PTPRM: variants seen among roughly 807,000 people sequenced by gnomAD.
The protein encoded by PTPRM is protein tyrosine phosphatase receptor type M, also known as receptor-type tyrosine-protein phosphatase mu.
In PTPRM, 47 loss-of-function variants were observed where a neutral mutation model predicts 186.7. The ratio of observed to expected loss-of-function variants is 0.25; its 90% CI spans 0.20 to 0.32. PTPRM has a LOEUF of 0.32. PTPRM is among the 10% of genes least tolerant of loss of function. The pLI is 1.00. For missense variants in PTPRM, 1,494 were observed against 1,865.0 expected (o/e 0.80, Z 3.66); for synonymous variants, 668 against 674.9 (o/e 0.99, Z 0.16).
chr18:8,248,353 G>A (rs781717002), intron 17 of PTPRM, 177 bp downstream of exon 17: 10 of 718,450 alleles, frequency 1.4e-5, no homozygotes, highest in Admixed American at 7.9e-5. Context: ...TCTCTAAACA[G>A]TCGCCATTAA....
Position 7,867,030 on chromosome 18 carries a change from T to C in PTPRM, c.197-21076T>C, listed in dbSNP as rs115019103. On this transcript the variant is annotated intron_variant, in intron 2 of 32. Coordinates refer to ENST00000580170, the MANE Select transcript of PTPRM (RefSeq NM_001105244.2). ...GCAACCCCTGCTTTTTGTTTTTGTT[T>C]TTTGCTTTCCTTTTACTTGGAAAAT... 7.2e-3 allele frequency among the ~76,000 whole-genome samples: 1,097 copies of C among 152,312 alleles called. 7 individuals are homozygous for C. The highest frequency in any genetic ancestry group is 0.026 in the African/African-American group (1,063 of 41,564).
At chr18:7,922,291 C>A (rs2050912226) in intron 4 of PTPRM, among the ~76,000 whole-genome samples, 1 of 152,178 alleles carries the variant, frequency 6.6e-6, no homozygotes, top group Non-Finnish European at 1.5e-5. Flanking sequence ...ATTTGGCATC[C>A]CTTTGGCCAA....
intron 14 of PTPRM, among the ~76,000 whole-genome samples, chr18:8,218,438 G>A (rs1226069016): frequency 3.9e-5 from 6 of 152,150 alleles, no homozygotes; most frequent in Non-Finnish European, 7.4e-5. Flanking sequence ...GAGCAGCAGG[G>A]ACACTGTGCC....
intron 19 of PTPRM, among the ~76,000 whole-genome samples, chr18:8,273,337 G>A (rs987029055): frequency 6.6e-6 from 1 of 152,088 alleles, no homozygotes; most frequent in African/African-American, 2.4e-5. Context: ...AATTTACTTT[G>A]ATTCTATAGA....
chr18:7,567,957 C>T lies in PTPRM; in HGVS notation c.73+66C>T. 2.1e-6 allele frequency: 3 copies of T among 1,453,560 alleles called. No individual in the cohort carries two copies. The highest frequency in any genetic ancestry group is 2.7e-6 in the Non-Finnish European group (3 of 1,106,874). 90.0% of individuals were successfully genotyped at this position (1,453,560 alleles called of 1,614,324 possible). A position where few individuals can be genotyped will look rare whatever the true frequency, so the allele number is the denominator to read the frequency against. The stretch of plus-strand genomic sequence containing the variant: ...CGGCGCGGGACGCCCGGGACGCCGA[C>T]AGCTCCCTGGTGGTAGAGCCCTAAG... On this transcript the variant is annotated intron_variant, in intron 1 of 32. Transcript: ENST00000580170. This position sits in a 1 kb window ranked among gnomAD's most constrained non-coding sequence, Gnocchi z 4.3.
chr18:7,706,832 A>C (rs2040104787), intron 1 of PTPRM, among the ~76,000 whole-genome samples: 1 of 152,112 alleles, frequency 6.6e-6, no homozygotes, highest in Admixed American at 6.6e-5. Context: ...TGAGAGTATT[A>C]GCAGTGAGTT....
intron 14 of PTPRM, among the ~76,000 whole-genome samples, chr18:8,223,175 G>A (rs1367544889): frequency 6.6e-6 from 1 of 152,110 alleles, no homozygotes; most frequent in Non-Finnish European, 1.5e-5. Flanking sequence ...AGTGAGCCAC[G>A]ATCGCACCAC....
At chr18:8,210,979 T>C (rs12967081) in intron 14 of PTPRM, among the ~76,000 whole-genome samples, 40,814 of 152,102 alleles carry the variant, frequency 0.27, 5,663 homozygotes, top group Middle Eastern at 0.5. Flanking sequence ...ACTGGCACAT[T>C]ATGTAAGGTG....
intron 1 of PTPRM, among the ~76,000 whole-genome samples, chr18:7,762,928 T>G (rs1319774681): frequency 6.6e-6 from 1 of 152,196 alleles, no homozygotes; most frequent in African/African-American, 2.4e-5. Context: ...GACTACACTT[T>G]CACATACACC....
intron 17 of PTPRM, 64 bp downstream of exon 17, chr18:8,248,240 T>A: frequency 7.2e-7 from 1 of 1,381,770 alleles, no homozygotes; most frequent in Non-Finnish European, 1.0e-6. Flanking sequence ...GTGACCACTC[T>A]GTAGGAGATT....
intron 7 of PTPRM, among the ~76,000 whole-genome samples, chr18:8,021,613 T>TG (rs1459624918): frequency 6.6e-6 from 1 of 152,132 alleles, no homozygotes; most frequent in East Asian, 1.9e-4. Context: ...AGTTTGAACA[T>TG]GCTGTGTTTG....
In PTPRM at chr18:8,292,923, G is replaced by T. The variant is rs150846902; in HGVS notation, c.2755-3445G>T. Among the ~76,000 whole-genome samples the T allele has an allele frequency of 4.6e-3, 694 of 152,312 alleles. 4 individuals are homozygous for T. The highest frequency in any genetic ancestry group is 0.016 in the African/African-American group (670 of 41,570). Reference sequence around the variant, plus strand: ...GTGTTTTCTTCTCAAGGTCATTGGGGTAAGAGTGGTAGAGAAAAAGCAGTG... The same window carrying T: ...GTGTTTTCTTCTCAAGGTCATTGGGTTAAGAGTGGTAGAGAAAAAGCAGTG... On this transcript the variant is annotated intron_variant, in intron 19 of 32. Coordinates refer to ENST00000580170, the MANE Select transcript of PTPRM (RefSeq NM_001105244.2).
chr18:7,901,841 T>C (rs2049706789), intron 3 of PTPRM, among the ~76,000 whole-genome samples: 1 of 152,208 alleles, frequency 6.6e-6, no homozygotes. Flanking sequence ...CATACCTACT[T>C]TATAATTGTG....
chr18:7,941,130 C>T (rs756642067), intron 5 of PTPRM, among the ~76,000 whole-genome samples: 4 of 152,174 alleles, frequency 2.6e-5, no homozygotes, highest in Non-Finnish European at 4.4e-5. Context: ...CTCTCCCCCT[C>T]ATTCTCAGCC....
intron 4 of PTPRM, among the ~76,000 whole-genome samples, chr18:7,907,306 A>C (rs1291232458): frequency 6.6e-6 from 1 of 152,214 alleles, no homozygotes; most frequent in Non-Finnish European, 1.5e-5. Context: ...GCACACAGCA[A>C]CAGACTGTAG....
At chr18:8,211,845 T>G (rs1235385195) in intron 14 of PTPRM, among the ~76,000 whole-genome samples, 2 of 151,976 alleles carry the variant, frequency 1.3e-5, no homozygotes, top group East Asian at 1.9e-4. Flanking sequence ...GTGAATGGAC[T>G]GGGAAGGGCA....
In PTPRM at chr18:8,384,550, T is replaced by G. The variant is rs199686907; in HGVS notation, c.3919-11T>G. ...TATAACTAACCTTGTGTTTATATGT[T>G]TTGAATTCAGTTGTGTCCACAGTAC... On this transcript the variant is annotated splice_polypyrimidine_tract_variant and intron_variant, in intron 29 of 32. Coordinates refer to ENST00000580170, the MANE Select transcript of PTPRM (RefSeq NM_001105244.2). 44 of 1,613,942 alleles carry G rather than the reference T, an allele frequency of 2.7e-5. No individual in the cohort carries two copies. The highest frequency in any genetic ancestry group is 3.4e-6 in the Non-Finnish European group (4 of 1,179,962).
intron 1 of PTPRM, chr18:7,741,227 A>G (rs1192235307): frequency 6.6e-6 from 1 of 152,224 alleles, no homozygotes; most frequent in Non-Finnish European, 1.5e-5. Flanking sequence ...AGTGGTGGCC[A>G]TACAGTAGGT....
At chr18:8,291,618 A>G (rs2095044026) in intron 19 of PTPRM, among the ~76,000 whole-genome samples, 1 of 152,238 alleles carries the variant, frequency 6.6e-6, no homozygotes. Context: ...TAAAAAAGAT[A>G]GCTAAAGAAC....
Sources: allele counts gnomAD v4.1 joint callset (sites outside exome capture counted in the v4.1 genomes callset), GRCh38; gene constraint gnomAD v4.1.1; non-coding constraint Gnocchi (gnomAD v3.1); transcripts MANE v1.5; gene names NCBI Gene and HGNC (gene_info 2026-07-23, HGNC 2026-07-21).